TANC1: variants seen among roughly 807,000 people sequenced by gnomAD.
TANC1 encodes the protein tetratricopeptide repeat, ankyrin repeat and coiled-coil containing 1, also known as protein TANC1.
A neutral mutation model predicts 149.7 loss-of-function variants in TANC1; 77 were observed. The observed-to-expected ratio is 0.51, with a 90% CI of 0.43 to 0.62. TANC1 has a LOEUF of 0.62. Ranked by LOEUF, TANC1 falls within the 20% of genes least tolerant of loss-of-function variation. The pLI, the probability that TANC1 is intolerant of heterozygous loss-of-function variation, is 0.00. For synonymous variants in TANC1, 854 were observed against 925.0 expected (o/e 0.92, Z 1.39); for missense variants, 1,985 against 2,321.8 (o/e 0.85, Z 2.98).
In TANC1 at chr2:159,194,369, C is replaced by T. The variant is rs768415905; in HGVS notation, c.2855C>T (p.Thr952Ile). 1.2e-6 allele frequency: 2 copies of T among 1,614,162 alleles called. No homozygotes were observed. The highest frequency in any genetic ancestry group is 1.7e-6 in the Non-Finnish European group (2 of 1,180,054). The change falls in exon 17 of 27, where the codon ACT (threonine) becomes ATT (isoleucine). Residue 952 changes from threonine (T) to isoleucine (I), a missense_variant. Physicochemically the swap from Thr to Ile is moderately conservative, Grantham distance 89 (BLOSUM62 -1). This residue lies in a region of TANC1 where 508 missense variants were observed against 714.2 expected (regional missense o/e 0.71). Transcript: ENST00000263635. ...QSHLGHEEVV[T>I]LLLEFGACLD... is the part of the protein sequence containing the mutation. The stretch of plus-strand genomic sequence containing the variant: ...CACCTTGGCCACGAGGAAGTTGTCA[C>T]TCTGCTCCTGGAATTTGGTGCCTGC...
intron 3 of TANC1, among the ~76,000 whole-genome samples, chr2:159,072,001 A>G (rs1201879618): frequency 2.0e-5 from 3 of 152,078 alleles, no homozygotes; most frequent in Non-Finnish European, 4.4e-5. Context: ...GTTTTTTGAG[A>G]TGAAGTCTCG....
At chr2:159,126,280 T>A (rs56340157) in intron 4 of TANC1, among the ~76,000 whole-genome samples, 1 of 152,086 alleles carries the variant, frequency 6.6e-6, no homozygotes, top group African/African-American at 2.4e-5. Flanking sequence ...CATCAGGGAC[T>A]TAACAATTCC....
chr2:159,015,845 C>G (rs2038216164), intron 2 of TANC1, among the ~76,000 whole-genome samples: 1 of 152,176 alleles, frequency 6.6e-6, no homozygotes, highest in Non-Finnish European at 1.5e-5. Context: ...TGAGTCCATG[C>G]CAGCCTGGAT....
At chr2:159,167,064 A>G (rs186920772) in intron 8 of TANC1, among the ~76,000 whole-genome samples, 3 of 152,316 alleles carry the variant, frequency 2.0e-5, no homozygotes, top group Admixed American at 2.0e-4. Flanking sequence ...TTTTATGGTC[A>G]CATATTTTTA....
intron 9 of TANC1, among the ~76,000 whole-genome samples, chr2:159,170,181 G>C (rs2055047182): frequency 1.3e-5 from 2 of 152,152 alleles, no homozygotes; most frequent in Admixed American, 1.3e-4. Context: ...CGTCTTAAAT[G>C]CAGTTCCAGA....
intron 3 of TANC1, among the ~76,000 whole-genome samples, chr2:159,075,824 T>A (rs907389074): frequency 3.9e-5 from 6 of 151,938 alleles, no homozygotes; most frequent in Non-Finnish European, 7.3e-5. Context: ...GAATATGTTT[T>A]CAAGCATGGA....
In TANC1 at chr2:159,115,753, T is replaced by A. The variant is rs147653378; in HGVS notation, c.259+17919T>A. 6.0e-3 allele frequency among the ~76,000 whole-genome samples: 918 copies of A among 152,298 alleles called. 10 individuals carry two copies. Among genetic ancestry groups the A allele is most frequent in the Middle Eastern group, 0.017 (5 of 292 alleles). ...ATAGGTCAAGATTCAAAATATTCTG[T>A]TGTGCCTCATGACTTTGTTTTTCTC... is the stretch of plus-strand genomic sequence containing the variant. On this transcript the variant is annotated intron_variant, in intron 4 of 26. Coordinates refer to ENST00000263635, the MANE Select transcript of TANC1 (RefSeq NM_033394.3).
intron 2 of TANC1, among the ~76,000 whole-genome samples, chr2:159,055,028 G>A (rs890551081): frequency 1.3e-5 from 2 of 152,248 alleles, no homozygotes; most frequent in Non-Finnish European, 2.9e-5. Context: ...TGCACATCAG[G>A]AAGGTGGGCA....
rs868676618 is a variant in TANC1 at position 159,196,716 on chromosome 2, C to T, written c.3088C>T (p.Pro1030Ser). The T allele has an allele frequency of 6.2e-7, 1 of 1,613,966 alleles. No homozygotes were observed. The highest frequency in any genetic ancestry group is 1.6e-4 in the Middle Eastern group (1 of 6,062). Residue 1030 changes from proline (P) to serine (S), a missense_variant, in exon 18 of 27, where the codon CCC (proline) becomes TCC (serine). Coordinates refer to ENST00000263635, the MANE Select transcript of TANC1 (RefSeq NM_033394.3). ...GACTTGTGAGTGGTCGCCGGGTCCT[C>T]CCCAGCCAGGCACCCTGAGGAAGAG... The part of the protein sequence containing the change: ...LLTCEWSPGP[P>S]QPGTLRKSHA...
rs1472757290 is a variant in TANC1 at position 159,175,101 on chromosome 2, T to C, written c.1652T>C (p.Met551Thr). The C allele has an allele frequency of 6.2e-7, 1 of 1,614,214 alleles. No homozygotes were observed. Among genetic ancestry groups the C allele is most frequent in the Non-Finnish European group, 8.5e-7 (1 of 1,180,036 alleles). ...ATAAAGGAGCCCCAACTACAGAGCA[T>C]GCTGAGCCTCCGATCCTGTGTGCAG... Reference protein sequence around the residue: ...LLIKEPQLQSMLSLRSCVQDP... With the variant: ...LLIKEPQLQSTLSLRSCVQDP... The change falls in exon 12 of 27, where the codon ATG (methionine) becomes ACG (threonine). Residue 551 changes from methionine to threonine, a missense_variant. Physicochemically the swap from Met to Thr is moderately conservative, Grantham distance 81. Around this residue, in one of 3 missense-constraint regions of TANC1, gnomAD observed 508 missense variants for 714.2 expected, o/e 0.71. Coordinates refer to ENST00000263635, the MANE Select transcript of TANC1 (RefSeq NM_033394.3).
At chr2:159,067,190 TATATA>T (rs1182764792) in intron 3 of TANC1, among the ~76,000 whole-genome samples, 3 of 152,230 alleles carry the variant, frequency 2.0e-5, no homozygotes, top group Non-Finnish European at 4.4e-5. Flanking sequence ...TTTCCATACT[TATATA>T]AGAGAATAAG....
chr2:159,045,838 A>G (rs2040995797), intron 2 of TANC1, among the ~76,000 whole-genome samples: 1 of 152,232 alleles, frequency 6.6e-6, no homozygotes, highest in African/African-American at 2.4e-5. Context: ...TTAAAATTGC[A>G]TGCGATAGCA....
intron 15 of TANC1, 100 bp downstream of exon 15, chr2:159,185,999 C>T: frequency 1.2e-6 from 1 of 847,298 alleles, no homozygotes; most frequent in Non-Finnish European, 1.9e-6. Flanking sequence ...AAGAAACGCT[C>T]CATGCACCTC....
chr2:159,216,540 G>A (rs981206029), intron 19 of TANC1, among the ~76,000 whole-genome samples: 10 of 152,252 alleles, frequency 6.6e-5, no homozygotes, highest in African/African-American at 2.4e-4. Context: ...CTTGCGATGA[G>A]CAGAAGCAAC....
chr2:159,054,352 C>A (rs1331757536), intron 2 of TANC1, among the ~76,000 whole-genome samples: 1 of 152,126 alleles, frequency 6.6e-6, no homozygotes, highest in Non-Finnish European at 1.5e-5. Flanking sequence ...CAGGGCCAGG[C>A]ATATGGATAG....
intron 2 of TANC1, among the ~76,000 whole-genome samples, chr2:159,027,840 A>G (rs562833748): frequency 1.3e-5 from 2 of 152,230 alleles, no homozygotes; most frequent in Non-Finnish European, 2.9e-5. Flanking sequence ...GAAGTCCAGG[A>G]GCATGGTGCT....
chr2:159,192,975 A>G (rs146486246), intron 16 of TANC1, among the ~76,000 whole-genome samples: 2 of 152,328 alleles, frequency 1.3e-5, no homozygotes, highest in Non-Finnish European at 2.9e-5. Context: ...ATTTTTAATT[A>G]TGGTTAAGAA....
chr2:159,055,987 C>A, intron 2 of TANC1: 1 of 290,982 alleles, frequency 3.4e-6, no homozygotes, highest in Non-Finnish European at 6.9e-6. Flanking sequence ...AAGTCTGCCT[C>A]TAGCTCAGCA....
intron 17 of TANC1, among the ~76,000 whole-genome samples, chr2:159,195,786 C>G (rs890478996): frequency 6.6e-6 from 1 of 152,202 alleles, no homozygotes; most frequent in African/African-American, 2.4e-5. Context: ...AGGCCTCCCC[C>G]CATCACAGCT....
Sources: gnomAD v4.1 joint callset for allele counts (sites outside exome capture counted in the v4.1 genomes callset) on GRCh38, gnomAD v4.1.1 for gene constraint, gnomAD v4.1.1 regional missense constraint, MANE v1.5 for transcripts, NCBI Gene and HGNC (gene_info 2026-07-23, HGNC 2026-07-21) for gene names.